Variants in CNTN5 observed in about 807,000 individuals in gnomAD.
The protein encoded by CNTN5 is contactin-5.
In CNTN5, 77 loss-of-function variants were observed where a neutral mutation model predicts 129.1. The ratio of observed to expected loss-of-function variants is 0.60; its 90% CI spans 0.50 to 0.72. The LOEUF (loss-of-function observed/expected upper bound fraction) is 0.72. Ranked by LOEUF, CNTN5 falls within the 30% of genes least tolerant of loss-of-function variation. CNTN5 has a pLI of 0.00. For synonymous variants in CNTN5, 509 were observed against 465.6 expected, an observed-to-expected ratio of 1.09 and a Z score of -1.20; for missense variants, 1,478 against 1,328.8, an observed-to-expected ratio of 1.11 and a Z score of -1.75.
chr11:99,787,184 A>G (rs192856743), intron 3 of CNTN5, among the ~76,000 whole-genome samples: 110 of 151,050 alleles, frequency 7.3e-4, no homozygotes, highest in Non-Finnish European at 1.1e-3. Context: ...CTTTAAGAGG[A>G]TGATCTTCTT....
At position 100,080,734 on chromosome 11, in the gene CNTN5, A is replaced by T. The variant is rs1429191729; in HGVS notation, c.1580+6440A>T. Among the ~76,000 whole-genome samples the T allele has an allele frequency of 2.6e-5, 4 of 152,248 alleles. No individual in the cohort carries two copies. In the East Asian group the frequency reaches 7.7e-4, roughly 29 times the overall value. On this transcript the variant is annotated intron_variant, in intron 13 of 24. Transcript: ENST00000524871. ...TGTCTTTTACATATTAAGAACGTAA[A>T]ACAATATAAACTTTAAGTATCTGGG...
intron 15 of CNTN5, among the ~76,000 whole-genome samples, chr11:100,223,181 A>G (rs1172100136): frequency 2.6e-5 from 4 of 152,154 alleles, no homozygotes; most frequent in Non-Finnish European, 4.4e-5. Context: ...TTCTTATGAC[A>G]TTTTAATGCA....
chr11:99,970,725 T>C (rs1393253559), intron 8 of CNTN5, among the ~76,000 whole-genome samples: 2 of 152,190 alleles, frequency 1.3e-5, no homozygotes, highest in Non-Finnish European at 1.5e-5. Flanking sequence ...AGATGATTGG[T>C]AATATTGTAG....
At position 100,072,990 on chromosome 11, in the gene CNTN5, CAAAAAAAAAA is replaced by C. The variant is rs61042118; in HGVS notation, c.1430-1142_1430-1133del. On this transcript the variant is annotated intron_variant, in intron 12 of 24. Coordinates refer to ENST00000524871, the MANE Select transcript of CNTN5 (RefSeq NM_014361.4). ...TTTTGTAAATTCTATTCCCAGGAGGCAAAAAAAAAAAAAAAAAAAAAGTTACTTGCAACTA... is the reference window on the plus strand; with the variant it reads ...TTTTGTAAATTCTATTCCCAGGAGGCAAAAAAAAAAAGTTACTTGCAACTA... 6.3e-5 allele frequency among the ~76,000 whole-genome samples: 5 copies of C among 79,074 alleles called. No homozygotes were observed. In the South Asian group the frequency reaches 2.6e-3, roughly 41 times the overall value. The allele number at this position is 79,074 out of a possible 152,430, so 51.9% of individuals were successfully genotyped here.
intron 13 of CNTN5, among the ~76,000 whole-genome samples, chr11:100,148,406 G>A (rs943422225): frequency 1.3e-5 from 2 of 152,166 alleles, no homozygotes; most frequent in African/African-American, 2.4e-5. Context: ...CAATGTGAAA[G>A]ACAAATAGCC....
At chr11:99,923,581 G>A (rs1009724285) in intron 7 of CNTN5, among the ~76,000 whole-genome samples, 2 of 152,036 alleles carry the variant, frequency 1.3e-5, no homozygotes, top group African/African-American at 4.8e-5. Flanking sequence ...TTACTTTGGG[G>A]TATATACCCA....
intron 3 of CNTN5, among the ~76,000 whole-genome samples, chr11:99,628,611 GACACACACAC>G (rs10607009): frequency 1.7e-4 from 25 of 147,260 alleles, no homozygotes; most frequent in East Asian, 6.0e-4. Flanking sequence ...GCTAAATAAT[GACACACACAC>G]ACACACACAC....
At position 99,029,242 on chromosome 11, in the gene CNTN5, A is replaced by G. The variant is rs79910752; in HGVS notation, c.-210+7972A>G. ...TATTCTATTTTTTTTTTAATGAGAC[A>G]CAATCCTGTTCTAATTGTGGAAGGG... On this transcript the variant is annotated intron_variant, in intron 1 of 24. Coordinates refer to ENST00000524871, the MANE Select transcript of CNTN5 (RefSeq NM_014361.4). Among the ~76,000 whole-genome samples the G allele has an allele frequency of 2.4e-3, 359 of 151,944 alleles. 7 individuals are homozygous for G. In the East Asian group the frequency reaches 0.064, roughly 27 times the overall value.
At chr11:99,302,346 T>C (rs1372421466) in intron 1 of CNTN5, among the ~76,000 whole-genome samples, 1 of 151,232 alleles carries the variant, frequency 6.6e-6, no homozygotes, top group African/African-American at 2.4e-5. Context: ...AAGATAAAAA[T>C]AAAGAAAACA....
chr11:100,121,856 T>G (rs116342108), intron 13 of CNTN5, among the ~76,000 whole-genome samples: 2,334 of 151,636 alleles, frequency 0.015, 63 homozygotes, highest in African/African-American at 0.053. Context: ...ATAGAGCAGA[T>G]TAAAAGTATT....
intron 2 of CNTN5, among the ~76,000 whole-genome samples, chr11:99,472,284 T>C (rs936566018): frequency 2.6e-5 from 4 of 152,200 alleles, no homozygotes; most frequent in Non-Finnish European, 5.9e-5. Flanking sequence ...TTGAAAATGC[T>C]GAAATAATCA....
intron 8 of CNTN5, among the ~76,000 whole-genome samples, chr11:99,961,825 C>A (rs17619627): frequency 0.15 from 23,168 of 152,036 alleles, 1,910 homozygotes; most frequent in Middle Eastern, 0.21. Flanking sequence ...AGCTCCCTGT[C>A]CTCACACCAA....
chr11:99,539,560 A>T (rs1459939002), intron 2 of CNTN5, among the ~76,000 whole-genome samples: 2 of 152,116 alleles, frequency 1.3e-5, no homozygotes, highest in African/African-American at 2.4e-5. Flanking sequence ...TGTAAGTATC[A>T]TAAAAATTTA....
intron 1 of CNTN5, among the ~76,000 whole-genome samples, chr11:99,234,229 T>C (rs1305967336): frequency 6.6e-6 from 1 of 152,122 alleles, no homozygotes; most frequent in Non-Finnish European, 1.5e-5. Context: ...GTGAGAATGA[T>C]AGTTATCAGA....
intron 2 of CNTN5, among the ~76,000 whole-genome samples, chr11:99,516,837 T>C (rs945811699): frequency 5.9e-5 from 9 of 152,138 alleles, no homozygotes. Flanking sequence ...GGAATGCACA[T>C]AAAAATTAGT....
intron 2 of CNTN5, among the ~76,000 whole-genome samples, chr11:99,535,666 T>C (rs1382304558): frequency 6.6e-6 from 1 of 152,164 alleles, no homozygotes; most frequent in East Asian, 1.9e-4. Context: ...TGGTTTGAAC[T>C]ATGAGGTTTA....
At chr11:99,026,553 G>A (rs767779487) in intron 1 of CNTN5, among the ~76,000 whole-genome samples, 4 of 151,304 alleles carry the variant, frequency 2.6e-5, no homozygotes, top group Non-Finnish European at 5.9e-5. Context: ...TAAAATAACC[G>A]TATCATTCAA....
intron 6 of CNTN5, among the ~76,000 whole-genome samples, chr11:99,915,321 C>A (rs751671823): frequency 6.6e-6 from 1 of 151,912 alleles, no homozygotes; most frequent in Non-Finnish European, 1.5e-5. Flanking sequence ...CCTTTTGGAC[C>A]ATTTTCTTTT....
intron 15 of CNTN5, among the ~76,000 whole-genome samples, chr11:100,211,761 A>G (rs1949038310): frequency 6.6e-6 from 1 of 152,198 alleles, no homozygotes; most frequent in Non-Finnish European, 1.5e-5. Context: ...TTTTTTAACC[A>G]CAATGAAGGT....
Sources: allele counts gnomAD v4.1 joint callset (sites outside exome capture counted in the v4.1 genomes callset), GRCh38; gene constraint gnomAD v4.1.1; transcripts MANE v1.5; gene names NCBI Gene and HGNC (gene_info 2026-07-23, HGNC 2026-07-21).